MGAM2: variants seen among roughly 807,000 people sequenced by gnomAD.
The protein encoded by MGAM2 is probable maltase-glucoamylase 2.
A neutral mutation model predicts 96.1 loss-of-function variants in MGAM2; 98 were observed. The observed-to-expected ratio is 1.02, with a 90% CI of 0.87 to 1.21. The LOEUF is 1.21. Ranked by LOEUF, MGAM2 falls within the 50% of genes most tolerant of loss-of-function variation. The probability of loss-of-function intolerance (pLI) is 0.00; values close to 1 mark genes in which losing one functional copy is unlikely to be tolerated. For missense variants in MGAM2, 2,055 were observed against 1,182.4 expected, an observed-to-expected ratio of 1.74 and a Z score of -10.82; for synonymous variants, 749 against 414.8, an observed-to-expected ratio of 1.81 and a Z score of -9.79.
In MGAM2 at chr7:142,196,197, C is replaced by T. The variant is rs1416070278; in HGVS notation, c.4390C>T (p.Arg1464Cys). 2.2e-5 allele frequency: 26 copies of T among 1,195,464 alleles called. No homozygotes were observed. The highest frequency in any genetic ancestry group is 5.8e-5 in the Admixed American group (3 of 51,444). The allele number at this position is 1,195,464 out of a possible 1,614,324, so 74.1% of individuals were successfully genotyped here. A position where few individuals can be genotyped will look rare whatever the true frequency, so the allele number is the denominator to read the frequency against. ...VTGQRGVIIT[R>C]STFPSSGRWG... ...AGGACAGCGAGGGGTCATCATCACC[C>T]GCTCCACATTTCCCTCTTCTGGACG... The change falls in exon 38 of 48, where the codon CGC (arginine) becomes TGC (cysteine). Residue 1464 changes from arginine (R) to cysteine (C), a missense_variant. Coordinates refer to ENST00000477922, the MANE Select transcript of MGAM2 (RefSeq NM_001293626.2).
In MGAM2 at chr7:142,196,202, C is replaced by A; in HGVS notation, c.4395C>A (p.Ser1465=). The change falls in exon 38 of 48, where the codon TCC becomes TCA. Residue 1465 remains serine (S), a synonymous_variant. Transcript: ENST00000477922. ...AGCGAGGGGTCATCATCACCCGCTC[C>A]ACATTTCCCTCTTCTGGACGCTGGG... ...TGQRGVIITR[S]TFPSSGRWGG... The A allele has an allele frequency of 8.4e-7, 1 of 1,190,182 alleles. No individual in the cohort carries two copies. Among genetic ancestry groups the A allele is most frequent in the Non-Finnish European group, 1.2e-6 (1 of 815,198 alleles). The allele number at this position is 1,190,182 out of a possible 1,614,324, so 73.7% of individuals were successfully genotyped here.
At chr7:142,139,436 G>T in intron 10 of MGAM2, among the ~76,000 whole-genome samples, 1 of 152,014 alleles carries the variant, frequency 6.6e-6, no homozygotes, top group East Asian at 1.9e-4. Flanking sequence ...GAGGCGGGCA[G>T]ATCACTTGAG....
At chr7:142,117,432 T>C (rs1257643591) in intron 2 of MGAM2, among the ~76,000 whole-genome samples, 1 of 152,204 alleles carries the variant, frequency 6.6e-6, no homozygotes, top group Non-Finnish European at 1.5e-5. Flanking sequence ...TTTGAAACCG[T>C]TCTGTCTGTC....
At position 142,222,218 on chromosome 7, in the gene MGAM2, C is replaced by G. The variant is rs944368195; in HGVS notation, c.*159C>G. On this transcript the variant is annotated 3_prime_UTR_variant, in exon 48 of 48. Coordinates refer to ENST00000477922, the MANE Select transcript of MGAM2 (RefSeq NM_001293626.2). ...AAAAGACACAGCTACTCCAAACACTCTCGTCATTGCAGACATGTTTAGGAA... is the reference window on the plus strand; with the variant it reads ...AAAAGACACAGCTACTCCAAACACTGTCGTCATTGCAGACATGTTTAGGAA... The G allele has an allele frequency of 2.8e-5, 11 of 393,920 alleles. No homozygotes were observed. The highest frequency in any genetic ancestry group is 2.1e-4 in the African/African-American group (10 of 48,524). 24.4% of individuals were successfully genotyped at this position (393,920 alleles called of 1,614,324 possible).
Position 142,220,262 on chromosome 7 carries a change from TC to T in MGAM2, c.5754del (p.Asn1919IlefsTer174). On this transcript the variant is annotated frameshift_variant, in exon 48 of 48. Transcript: ENST00000477922. LOFTEE classifies it low-confidence loss of function (END_TRUNC). ...TTGGTGTTACAACTAATGCTACTGT[TC>T]CCAATACAACTGCCCCTTTCCCAAC... is the stretch of plus-strand genomic sequence containing the variant. Reference protein sequence around the residue: ...TIGVTTNATVPNTTAPFPTNA... With the variant: ...TIGVTTNATVXNTTAPFPTNA... 2.8e-6 allele frequency: 2 copies of T among 702,778 alleles called. No individual in the cohort carries two copies. Among genetic ancestry groups the T allele is most frequent in the Non-Finnish European group, 5.2e-6 (2 of 384,934 alleles). 43.5% of individuals were successfully genotyped at this position (702,778 alleles called of 1,614,324 possible). A position where few individuals can be genotyped will look rare whatever the true frequency, so the allele number is the denominator to read the frequency against.
At chr7:142,127,164 A>G (rs2129075875) in intron 3 of MGAM2, among the ~76,000 whole-genome samples, 2 of 152,290 alleles carry the variant, frequency 1.3e-5, no homozygotes, top group Middle Eastern at 3.4e-3. Flanking sequence ...TTATTATTTT[A>G]CACACTTTTG....
intron 46 of MGAM2, among the ~76,000 whole-genome samples, chr7:142,211,709 C>T (rs1019610695): frequency 6.6e-5 from 10 of 152,294 alleles, no homozygotes; most frequent in South Asian, 2.1e-4. Context: ...ACCAAACCTA[C>T]ATTTGATTGG....
chr7:142,172,483 T>C (rs935489019), intron 29 of MGAM2, among the ~76,000 whole-genome samples, 169 bp from the exon 30 acceptor site: 2 of 152,172 alleles, frequency 1.3e-5, no homozygotes, highest in Admixed American at 6.5e-5. Flanking sequence ...GCATATTACA[T>C]TTGGGGTACC....
chr7:142,206,710 C>T (rs1165761165), intron 45 of MGAM2, among the ~76,000 whole-genome samples: 2 of 152,164 alleles, frequency 1.3e-5, no homozygotes, highest in Non-Finnish European at 2.9e-5. Flanking sequence ...AACTTTCAAA[C>T]TTGTAAATTT....
At chr7:142,214,304 C>A (rs1797679840) in intron 46 of MGAM2, among the ~76,000 whole-genome samples, 1 of 152,114 alleles carries the variant, frequency 6.6e-6, no homozygotes, top group South Asian at 2.1e-4. Context: ...GAAGTTCTGG[C>A]CAGGGCAATC....
intron 2 of MGAM2, 21 bp from the exon 3 acceptor site, chr7:142,120,281 T>C (rs1563246011): frequency 2.8e-6 from 2 of 702,508 alleles, no homozygotes; most frequent in Non-Finnish European, 5.2e-6. Flanking sequence ...TTTTCAACTT[T>C]ATCCTTTAAT....
Position 142,155,590 on chromosome 7 carries a change from C to T in MGAM2, c.1923+745C>T, listed in dbSNP as rs149715779. 1.4e-3 allele frequency among the ~76,000 whole-genome samples: 211 copies of T among 152,298 alleles called. 1 individual carries two copies. The highest frequency in any genetic ancestry group is 5.0e-3 in the African/African-American group (206 of 41,564). ...CTTTAACCCAGGAAGGATTAACAGT[C>T]AAACCTTCAAAGTATTTTATCCCTG... On this transcript the variant is annotated intron_variant, in intron 17 of 47. Coordinates refer to ENST00000477922, the MANE Select transcript of MGAM2 (RefSeq NM_001293626.2).
At chr7:142,219,811 C>A in intron 47 of MGAM2, 59 bp from the exon 48 acceptor site, 1 of 622,968 alleles carries the variant, frequency 1.6e-6, no homozygotes, top group Non-Finnish European at 2.9e-6. Context: ...AAGAGGTGAG[C>A]TACATGTGAG....
chr7:142,162,228 A>G (rs1230548718), intron 23 of MGAM2, among the ~76,000 whole-genome samples: 3 of 150,724 alleles, frequency 2.0e-5, no homozygotes, highest in Non-Finnish European at 3.0e-5. Flanking sequence ...TTTTTCCTGG[A>G]AAAAAAAACA....
At chr7:142,213,150 C>G (rs1204716390) in intron 46 of MGAM2, among the ~76,000 whole-genome samples, 1 of 152,060 alleles carries the variant, frequency 6.6e-6, no homozygotes, top group African/African-American at 2.4e-5. Flanking sequence ...AACAAAGACA[C>G]AACATATCAA....
At position 142,166,093 on chromosome 7, in the gene MGAM2, C is replaced by T. The variant is rs995222270; in HGVS notation, c.2653-5C>T. 6 of 687,142 alleles carry T rather than the reference C, an allele frequency of 8.7e-6. No homozygotes were observed. The highest frequency in any genetic ancestry group is 1.1e-5 in the Non-Finnish European group (4 of 377,428). 42.6% of individuals were successfully genotyped at this position (687,142 alleles called of 1,614,324 possible). ...CTTTGTCACTGTGACTGTCTCTTTC[C>T]CCAGGTGGTAACCATCACTGATCTC... On this transcript the variant is annotated splice_polypyrimidine_tract_variant and splice_region_variant and intron_variant, in intron 24 of 47. Transcript: ENST00000477922.
intron 17 of MGAM2, among the ~76,000 whole-genome samples, chr7:142,157,445 G>T (rs556457072): frequency 6.6e-6 from 1 of 150,480 alleles, no homozygotes; most frequent in East Asian, 2.0e-4. Context: ...AGTTTGGAGT[G>T]CAGTGGCACG....
At chr7:142,212,406 G>A (rs550865725) in intron 46 of MGAM2, among the ~76,000 whole-genome samples, 1 of 152,248 alleles carries the variant, frequency 6.6e-6, no homozygotes, top group African/African-American at 2.4e-5. Flanking sequence ...GGCACAGACT[G>A]GCAAATTGGA....
At chr7:142,189,295 C>T in intron 36 of MGAM2, 72 bp from the exon 37 acceptor site, 1 of 573,596 alleles carries the variant, frequency 1.7e-6, no homozygotes, top group African/African-American at 1.9e-5. Context: ...TAAAGAAATG[C>T]CAAAATGATG....
Sources: gnomAD v4.1 joint callset for allele counts (sites outside exome capture counted in the v4.1 genomes callset) on GRCh38, gnomAD v4.1.1 for gene constraint, MANE v1.5 for transcripts, NCBI Gene and HGNC (gene_info 2026-07-23, HGNC 2026-07-21) for gene names.